Variants in PPP1R3A observed in about 807,000 individuals in gnomAD.
PPP1R3A encodes RG1.
A neutral mutation model predicts 41.7 loss-of-function variants in PPP1R3A; 29 were observed. The ratio of observed to expected loss-of-function variants is 0.70; its 90% confidence interval spans 0.52 to 0.95. The LOEUF (loss-of-function observed/expected upper bound fraction) is 0.95, where lower values mean the gene tolerates loss of function less well. PPP1R3A is among the 40% of genes least tolerant of loss of function. The pLI, the probability that PPP1R3A is intolerant of heterozygous loss-of-function variation, is 0.00. For missense variants in PPP1R3A, 1,352 were observed against 1,292.4 expected (o/e 1.05, Z -0.71); for synonymous variants, 485 against 453.4 (o/e 1.07, Z -0.89).
rs1238143075 is a variant in PPP1R3A at position 113,879,344 on chromosome 7, T to C, written c.1748A>G (p.His583Arg). 2 of 1,613,604 alleles carry C rather than the reference T, an allele frequency of 1.2e-6. No individual in the cohort carries two copies. Among genetic ancestry groups the C allele is most frequent in the South Asian group, 2.2e-5 (2 of 91,082 alleles). The change falls in exon 4 of 4, where the codon CAT (histidine) becomes CGT (arginine). Residue 583 changes from histidine to arginine, a missense_variant. Coordinates refer to ENST00000284601, the MANE Select transcript of PPP1R3A (RefSeq NM_002711.4). ...PTRAITADVSHSPRTNLSWEE... is the reference protein window; with the variant it reads ...PTRAITADVSRSPRTNLSWEE... Reference sequence around the variant, plus strand: ...CCAACTTAAATTTGTCCTTGGTGAATGAGACACATCTGCTGTGATTGCCCG... The same window carrying C: ...CCAACTTAAATTTGTCCTTGGTGAACGAGACACATCTGCTGTGATTGCCCG...
chr7:113,898,575 C>G (rs531043585), intron 1 of PPP1R3A, among the ~76,000 whole-genome samples: 3 of 151,832 alleles, frequency 2.0e-5, no homozygotes, highest in Admixed American at 2.0e-4. Flanking sequence ...TCTAGCCAGG[C>G]TCTTTAGGCC....
rs377209145 is a variant in PPP1R3A at position 113,888,294 on chromosome 7, AGAAACTGGACGG to A, written c.783-5986_783-5975del. On this transcript the variant is annotated intron_variant, in intron 1 of 3. Coordinates refer to ENST00000284601, the MANE Select transcript of PPP1R3A (RefSeq NM_002711.4). Reference sequence around the variant, plus strand: ...CGTATTTCTGGAGGTAATGTAGAGGAGAAACTGGACGGGATGAGCCACAGTGGAGCAGAAAGA... The same window carrying A: ...CGTATTTCTGGAGGTAATGTAGAGGAGATGAGCCACAGTGGAGCAGAAAGA... Among the ~76,000 whole-genome samples the A allele has an allele frequency of 2.4e-3, 367 of 152,254 alleles. 3 individuals carry two copies. The highest frequency in any genetic ancestry group is 0.017 in the Middle Eastern group (5 of 294).
At chr7:113,912,678 C>A (rs973638145) in intron 1 of PPP1R3A, among the ~76,000 whole-genome samples, 1 of 152,064 alleles carries the variant, frequency 6.6e-6, no homozygotes, top group Non-Finnish European at 1.5e-5. Flanking sequence ...CACTTCATAA[C>A]GGTGCCATCT....
In PPP1R3A at chr7:113,918,243, T is replaced by C; in HGVS notation, c.754A>G (p.Ile252Val). Residue 252 changes from isoleucine to valine, a missense_variant, in exon 1 of 4, where the codon ATA becomes GTA. Ile to Val is a conservative substitution (Grantham distance 29). Transcript: ENST00000284601. ...KPWKEVPNRQ[I>V]KGCLKVKSSK... ...GATTTTACCTTTAAGCAGCCTTTTATTTGTCTGTTAGGAACTTCTTTCCAT... is the reference window on the plus strand; with the variant it reads ...GATTTTACCTTTAAGCAGCCTTTTACTTGTCTGTTAGGAACTTCTTTCCAT... 1 of 1,603,478 alleles carries C rather than the reference T, an allele frequency of 6.2e-7. No homozygotes were observed. The highest frequency in any genetic ancestry group is 8.5e-7 in the Non-Finnish European group (1 of 1,176,610).
At chr7:113,883,690 CAT>C (rs1796734491) in intron 1 of PPP1R3A, among the ~76,000 whole-genome samples, 1 of 151,906 alleles carries the variant, frequency 6.6e-6, no homozygotes, top group Admixed American at 6.6e-5. Context: ...TCTCCATGTA[CAT>C]GTTTATGTGC....
At chr7:113,901,940 A>G (rs1471115945) in intron 1 of PPP1R3A, among the ~76,000 whole-genome samples, 2 of 151,850 alleles carry the variant, frequency 1.3e-5, no homozygotes, top group Non-Finnish European at 2.9e-5. Context: ...GAACATCAAA[A>G]CAGGGATTTT....
chr7:113,905,395 C>T (rs751628688), intron 1 of PPP1R3A, among the ~76,000 whole-genome samples: 2 of 151,492 alleles, frequency 1.3e-5, no homozygotes, highest in Non-Finnish European at 3.0e-5. Flanking sequence ...CTAAAAATTC[C>T]CATTGCTTAA....
At chr7:113,891,587 C>G (rs1218334223) in intron 1 of PPP1R3A, among the ~76,000 whole-genome samples, 2 of 152,072 alleles carry the variant, frequency 1.3e-5, no homozygotes, top group African/African-American at 4.8e-5. Context: ...TAAAAGTATC[C>G]TCTCTAAATA....
At chr7:113,886,014 T>C (rs1796779456) in intron 1 of PPP1R3A, among the ~76,000 whole-genome samples, 2 of 151,222 alleles carry the variant, frequency 1.3e-5, no homozygotes, top group African/African-American at 4.8e-5. Context: ...AAGAATGTCC[T>C]CTGTTATACT....
intron 1 of PPP1R3A, among the ~76,000 whole-genome samples, chr7:113,891,101 A>AAAAAAAAAAAAAAAAAC (rs1796877859): frequency 8.7e-6 from 1 of 115,448 alleles, no homozygotes; most frequent in Non-Finnish European, 1.8e-5. Flanking sequence ...AAAAAAAAAA[A>AAAAAAAAAAAAAAAAAC]AAAAAAAAAA....
Position 113,877,635 on chromosome 7 carries a change from A to C in PPP1R3A, c.*88T>G. The C allele has an allele frequency of 1.4e-6, 2 of 1,424,256 alleles. No homozygotes were observed. Among genetic ancestry groups the C allele is most frequent in the Non-Finnish European group, 9.4e-7 (1 of 1,060,602 alleles). The allele number at this position is 1,424,256 out of a possible 1,614,324, so 88.2% of individuals were successfully genotyped here. A position where few individuals can be genotyped will look rare whatever the true frequency, so the allele number is the denominator to read the frequency against. ...TCCTTCAAGAGAAAAACTGCACTGG[A>C]TCTTTGAACAATGAATAGTCCCATT... On this transcript the variant is annotated 3_prime_UTR_variant, in exon 4 of 4. Transcript: ENST00000284601.
intron 1 of PPP1R3A, among the ~76,000 whole-genome samples, chr7:113,912,172 C>T (rs1197001100): frequency 6.6e-6 from 1 of 152,084 alleles, no homozygotes; most frequent in Non-Finnish European, 1.5e-5. Context: ...CTTCAGACCC[C>T]ATGAGTCTCA....
chr7:113,899,673 A>G (rs886551893), intron 1 of PPP1R3A, among the ~76,000 whole-genome samples: 8 of 151,768 alleles, frequency 5.3e-5, no homozygotes, highest in African/African-American at 1.9e-4. Context: ...CTTTGTGCAC[A>G]TTGGAGTAGT....
intron 1 of PPP1R3A, among the ~76,000 whole-genome samples, chr7:113,888,164 G>T (rs992655796): frequency 4.6e-5 from 7 of 152,174 alleles, no homozygotes; most frequent in Non-Finnish European, 1.0e-4. Context: ...AAAGGGCTTA[G>T]CATAGCTGGC....
intron 1 of PPP1R3A, among the ~76,000 whole-genome samples, chr7:113,904,457 T>G (rs1194290861): frequency 6.6e-6 from 1 of 151,788 alleles, no homozygotes; most frequent in Admixed American, 6.6e-5. Context: ...TAGCAAATTC[T>G]AAATTGATGA....
At position 113,877,403 on chromosome 7, in the gene PPP1R3A, T is replaced by C. The variant is rs997570491; in HGVS notation, c.*320A>G. The C allele has an allele frequency of 6.6e-5, 14 of 211,008 alleles. No individual in the cohort carries two copies. The highest frequency in any genetic ancestry group is 5.0e-4 in the Admixed American group (9 of 17,890). The allele number at this position is 211,008 out of a possible 1,614,324, so 13.1% of individuals were successfully genotyped here. ...GAAGCTTTATTGCAAGAGAAATGAA[T>C]GCAAGAAATAGCACTTTAAGTAGTG... On this transcript the variant is annotated 3_prime_UTR_variant, in exon 4 of 4. Transcript: ENST00000284601.
chr7:113,916,362 A>T (rs1038528138), intron 1 of PPP1R3A, among the ~76,000 whole-genome samples: 9 of 152,048 alleles, frequency 5.9e-5, no homozygotes, highest in Non-Finnish European at 8.8e-5. Context: ...ATACAAATGT[A>T]TGTGTGGATA....
intron 1 of PPP1R3A, among the ~76,000 whole-genome samples, chr7:113,890,193 G>A (rs1224585302): frequency 6.6e-6 from 1 of 152,116 alleles, no homozygotes; most frequent in East Asian, 1.9e-4. Flanking sequence ...TAGCTTAAGA[G>A]GCACAAATTC....
In PPP1R3A at chr7:113,896,579, T is replaced by C. The variant is rs546003610; in HGVS notation, c.783-14259A>G. ...TAAAAATGAAACATGAGTAGCATAATTAGCAGTTGAATAATTTGGACTGAA... is the reference window on the plus strand; with the variant it reads ...TAAAAATGAAACATGAGTAGCATAACTAGCAGTTGAATAATTTGGACTGAA... On this transcript the variant is annotated intron_variant, in intron 1 of 3. Coordinates refer to ENST00000284601, the MANE Select transcript of PPP1R3A (RefSeq NM_002711.4). Among the ~76,000 whole-genome samples, 8 of 151,876 alleles carry C rather than the reference T, an allele frequency of 5.3e-5. No homozygotes were observed. In the South Asian group the frequency reaches 1.7e-3, roughly 32 times the overall value.
Sources: gnomAD v4.1 joint callset for allele counts (sites outside exome capture counted in the v4.1 genomes callset) on GRCh38, gnomAD v4.1.1 for gene constraint, MANE v1.5 for transcripts, NCBI Gene and HGNC (gene_info 2026-07-23, HGNC 2026-07-21) for gene names.